The following CSMD1 variants were observed in gnomAD, a reference collection of about 807,000 sequenced individuals.
CSMD1 encodes the protein CUB and Sushi multiple domains 1, also known as CUB and sushi domain-containing protein 1.
In CSMD1, 213 loss-of-function variants were observed where a neutral mutation model predicts 417.5. That is an observed-to-expected ratio of 0.51 (90% CI 0.46 to 0.57). The LOEUF (loss-of-function observed/expected upper bound fraction) is 0.57. CSMD1 is among the 20% of genes least tolerant of loss of function. The pLI is 0.00. For synonymous variants in CSMD1, 2,862 were observed against 1,736.8 expected (o/e 1.65, Z -16.11); for missense variants, 6,923 against 4,529.7 (o/e 1.53, Z -15.17).
At chr8:3,671,003 TGGG>T (rs1563255995) in intron 7 of CSMD1, among the ~76,000 whole-genome samples, 31 of 140,234 alleles carry the variant, frequency 2.2e-4, no homozygotes, top group Non-Finnish European at 3.5e-4. Flanking sequence ...TATATATGTA[TGGG>T]ATATATATGT....
intron 6 of CSMD1, among the ~76,000 whole-genome samples, chr8:3,738,007 T>C (rs2129049458): frequency 6.6e-6 from 1 of 152,266 alleles, no homozygotes; most frequent in Non-Finnish European, 1.5e-5. Flanking sequence ...GACAAACTAA[T>C]GAAGTGAAAA....
intron 5 of CSMD1, among the ~76,000 whole-genome samples, chr8:3,967,430 G>C (rs909490220): frequency 1.5e-4 from 22 of 147,382 alleles, no homozygotes; most frequent in Middle Eastern, 3.4e-3. Context: ...TGCTTTCAAA[G>C]TCCTCATTCA....
At chr8:3,870,618 T>C (rs1391908287) in intron 5 of CSMD1, among the ~76,000 whole-genome samples, 6 of 152,214 alleles carry the variant, frequency 3.9e-5, no homozygotes, top group Admixed American at 6.5e-5. Context: ...AATATGTTTA[T>C]GAATCTTACA....
At chr8:3,782,280 A>C (rs542640424) in intron 5 of CSMD1, among the ~76,000 whole-genome samples, 2 of 152,204 alleles carry the variant, frequency 1.3e-5, no homozygotes, top group Non-Finnish European at 2.9e-5. Context: ...ATACTCATTG[A>C]CTTGCTTATA....
At chr8:3,589,297 C>G (rs73489584) in intron 8 of CSMD1, among the ~76,000 whole-genome samples, 84 of 152,158 alleles carry the variant, frequency 5.5e-4, no homozygotes, top group African/African-American at 1.9e-3. Flanking sequence ...CTCATAGTCA[C>G]TGCAGCGTTA....
At chr8:3,287,411 A>G (rs923590147) in intron 25 of CSMD1, among the ~76,000 whole-genome samples, 1 of 152,104 alleles carries the variant, frequency 6.6e-6, no homozygotes, top group Non-Finnish European at 1.5e-5. Context: ...CATTTTCACA[A>G]TATTGATTCT....
chr8:3,293,836 T>G (rs913347236), intron 25 of CSMD1, among the ~76,000 whole-genome samples: 1 of 152,234 alleles, frequency 6.6e-6, no homozygotes, highest in Non-Finnish European at 1.5e-5. Flanking sequence ...CTTGTCAAAG[T>G]CATTCTCCAT....
chr8:4,815,627 T>C (rs1269038899), intron 1 of CSMD1, among the ~76,000 whole-genome samples: 2 of 134,728 alleles, frequency 1.5e-5, no homozygotes, highest in African/African-American at 5.8e-5. Context: ...ACCCAGGAGA[T>C]GAAGGTTGCA....
chr8:3,625,855 T>C (rs916584665), intron 7 of CSMD1, among the ~76,000 whole-genome samples: 2 of 152,106 alleles, frequency 1.3e-5, no homozygotes, highest in African/African-American at 4.8e-5. Context: ...ACAAGTAGAT[T>C]TTTCATAAGG....
At chr8:4,391,498 T>C (rs1171950375) in intron 3 of CSMD1, among the ~76,000 whole-genome samples, 1 of 152,114 alleles carries the variant, frequency 6.6e-6, no homozygotes. Context: ...CACCCTCTGC[T>C]GTGACCAGTG....
chr8:4,543,484 G>A (rs1250640934), intron 2 of CSMD1, among the ~76,000 whole-genome samples: 1 of 151,780 alleles, frequency 6.6e-6, no homozygotes, highest in Non-Finnish European at 1.5e-5. Context: ...TTTCCCTTTA[G>A]CCCTGAATAA....
intron 10 of CSMD1, among the ~76,000 whole-genome samples, chr8:3,546,472 C>T (rs1181260978): frequency 6.6e-6 from 1 of 151,340 alleles, no homozygotes; most frequent in Non-Finnish European, 1.5e-5. Context: ...GGAGTCGGAG[C>T]TTGTGGTGAG....
chr8:4,934,620 TTATCTACC>T (rs1233785643), intron 1 of CSMD1, among the ~76,000 whole-genome samples: 2 of 149,264 alleles, frequency 1.3e-5, no homozygotes, highest in African/African-American at 4.9e-5. Flanking sequence ...TATTTTTCAC[TTATCTACC>T]TATCTATATA....
intron 5 of CSMD1, among the ~76,000 whole-genome samples, chr8:3,883,921 T>C (rs1037436932): frequency 1.3e-5 from 2 of 152,158 alleles, no homozygotes; most frequent in African/African-American, 2.4e-5. Context: ...TGTTAAAATA[T>C]ATGAATATAG....
Position 4,486,230 on chromosome 8 carries a change from CAT to C in CSMD1, c.303-66167_303-66166del, listed in dbSNP as rs1207101853. 7.2e-3 allele frequency among the ~76,000 whole-genome samples: 119 copies of C among 16,418 alleles called. 1 individual carries two copies. Among genetic ancestry groups the C allele is most frequent in the African/African-American group, 0.017 (90 of 5,290 alleles). The allele number at this position is 16,418 out of a possible 152,430, so 10.8% of individuals were successfully genotyped here. On this transcript the variant is annotated intron_variant, in intron 2 of 69. Coordinates refer to ENST00000635120, the MANE Select transcript of CSMD1 (RefSeq NM_033225.6). ...ATATATATATATATATATATACATA[CAT>C]ATATATATATATACATACATATATA...
chr8:3,301,219 G>A (rs12678380), intron 25 of CSMD1, among the ~76,000 whole-genome samples: 18,322 of 151,894 alleles, frequency 0.12, 1,344 homozygotes, highest in Admixed American at 0.19. Context: ...TATTGTTTGG[G>A]GTAGGAGCAG....
At chr8:4,150,341 G>A (rs1013533174) in intron 3 of CSMD1, among the ~76,000 whole-genome samples, 2 of 152,100 alleles carry the variant, frequency 1.3e-5, no homozygotes, top group Non-Finnish European at 2.9e-5. Flanking sequence ...TCTAACCCGT[G>A]CCATTCTAAC....
intron 5 of CSMD1, among the ~76,000 whole-genome samples, chr8:3,906,496 G>C (rs1197336924): frequency 2.0e-5 from 3 of 150,920 alleles, no homozygotes; most frequent in East Asian, 3.9e-4. Flanking sequence ...TATCCGATAA[G>C]AGAATGAAAA....
chr8:4,133,578 G>A (rs549094382), intron 3 of CSMD1, among the ~76,000 whole-genome samples: 2 of 152,168 alleles, frequency 1.3e-5, no homozygotes, highest in East Asian at 3.9e-4. Context: ...GTGCATTAAC[G>A]CCGATATGTG....
Sources: allele counts gnomAD v4.1 joint callset (sites outside exome capture counted in the v4.1 genomes callset), GRCh38; gene constraint gnomAD v4.1.1; transcripts MANE v1.5; gene names NCBI Gene and HGNC (gene_info 2026-07-23, HGNC 2026-07-21).